RFPL4AL1: variants seen among roughly 807,000 people sequenced by gnomAD.
RFPL4AL1 encodes ret finger protein-like 4A-like protein 1.
Under a neutral mutation model 8.2 loss-of-function variants are expected in RFPL4AL1, and 2 were observed. That is an observed-to-expected ratio of 0.24 (90% CI 0.10 to 0.77). RFPL4AL1 has a LOEUF of 0.77. RFPL4AL1 is among the 30% of genes least tolerant of loss of function. The pLI, the probability that RFPL4AL1 is intolerant of heterozygous loss-of-function variation, is 0.72. For missense variants in RFPL4AL1, 57 were observed against 350.3 expected (o/e 0.16, Z 6.68); for synonymous variants, 25 against 131.8 (o/e 0.19, Z 5.55).
rs2122663500 is a variant in RFPL4AL1 at position 55,770,281 on chromosome 19, T to C, written c.-10+1106T>C. Reference sequence around the variant, plus strand: ...CATCGCGGTTTTATTGCTGGAGGGCTCAGGAGGCTCTCTGGATGCCAGAGA... The same window carrying C: ...CATCGCGGTTTTATTGCTGGAGGGCCCAGGAGGCTCTCTGGATGCCAGAGA... On this transcript the variant is annotated intron_variant, in intron 1 of 2. Transcript: ENST00000341750. Among the ~76,000 whole-genome samples, 3 of 152,078 alleles carry C rather than the reference T, an allele frequency of 2.0e-5. No individual in the cohort carries two copies. In the South Asian group the frequency reaches 6.2e-4, roughly 32 times the overall value.
At chr19:55,769,744 A>C (rs7258447) in intron 1 of RFPL4AL1, among the ~76,000 whole-genome samples, 42,974 of 150,362 alleles carry the variant, frequency 0.29, 5,406 homozygotes, top group South Asian at 0.51. Context: ...GCTGGAGTGC[A>C]GTGGCTATTT....
In RFPL4AL1 at chr19:55,771,086, G is replaced by GTT. The variant is rs74183507; in HGVS notation, c.-9-692_-9-691dup. ...TTGGTTTCTTTTAGTTCTGTTTTTT[G>GTT]TTTTTTTTTTTTTTTTTTTCCGCTA... On this transcript the variant is annotated intron_variant, in intron 1 of 2. Transcript: ENST00000341750. Among the ~76,000 whole-genome samples, 602 of 129,970 alleles carry GTT rather than the reference G, an allele frequency of 4.6e-3. 1 individual carries two copies. Among genetic ancestry groups the GTT allele is most frequent in the East Asian group, 0.021 (95 of 4,490 alleles). 85.3% of individuals were successfully genotyped at this position (129,970 alleles called of 152,430 possible).
intron 1 of RFPL4AL1, among the ~76,000 whole-genome samples, chr19:55,771,173 G>T (rs1989490371): frequency 3.5e-5 from 5 of 142,108 alleles, no homozygotes; most frequent in African/African-American, 5.1e-5. Flanking sequence ...TCCTTTTGGT[G>T]TGCTATCAGG....
At chr19:55,771,094 T>TTG (rs1555799542) in intron 1 of RFPL4AL1, among the ~76,000 whole-genome samples, 3 of 149,214 alleles carry the variant, frequency 2.0e-5, no homozygotes, top group Non-Finnish European at 4.5e-5. Flanking sequence ...TTGTTTTTTT[T>TTG]TTTTTTTTTT....
chr19:55,772,258 T>C (rs1472743096), intron 2 of RFPL4AL1, among the ~76,000 whole-genome samples, 168 bp downstream of exon 2: 1 of 132,188 alleles, frequency 7.6e-6, no homozygotes, highest in African/African-American at 2.6e-5. Flanking sequence ...TCATGGAATC[T>C]GTGCAAGTTT....
chr19:55,769,991 T>C (rs1439987934), intron 1 of RFPL4AL1, among the ~76,000 whole-genome samples: 5 of 152,022 alleles, frequency 3.3e-5, no homozygotes, highest in East Asian at 1.9e-4. Flanking sequence ...TTGTGAATAA[T>C]GCTGCAGAGA....
chr19:55,771,404 A>C (rs577554957), intron 1 of RFPL4AL1, among the ~76,000 whole-genome samples: 1 of 152,168 alleles, frequency 6.6e-6, no homozygotes, highest in Non-Finnish European at 1.5e-5. Context: ...GATAGTTTAC[A>C]TTCTCTTTTC....
At position 55,772,834 on chromosome 19, in the gene RFPL4AL1, C is replaced by A. The variant is rs1265274066; in HGVS notation, c.519C>A (p.Asn173Lys). 1 of 1,550,478 alleles carries A rather than the reference C, an allele frequency of 6.4e-7. No homozygotes were observed. The highest frequency in any genetic ancestry group is 1.4e-5 in the African/African-American group (1 of 72,576). ...WDVGVCKESV[N>K]RQGKIELSSE... ...TGGGCGTGTGCAAGGAATCTGTCAA[C>A]CGACAGGGGAAGATTGAGCTTTCTT... is the stretch of plus-strand genomic sequence containing the variant. Residue 173 changes from asparagine to lysine, a missense_variant, in exon 3 of 3, where the codon AAC becomes AAA. Physicochemically the swap from Asn to Lys is moderately conservative, Grantham distance 94 (BLOSUM62 0). Transcript: ENST00000341750.
intron 1 of RFPL4AL1, among the ~76,000 whole-genome samples, chr19:55,770,651 C>T (rs1465427718): frequency 1.6e-4 from 24 of 151,894 alleles, no homozygotes; most frequent in Non-Finnish European, 2.8e-4. Flanking sequence ...GTAATGACCA[C>T]GGTCATTACT....
Position 55,771,866 on chromosome 19 carries a change from C to A in RFPL4AL1, c.62C>A (p.Ala21Asp), listed in dbSNP as rs1407502331. The part of the protein sequence containing the change: ...CPVCLKDLEE[A>D]VQLKCGYACC... ...GTCTGTCTAAAAGATCTTGAAGAAG[C>A]CGTGCAACTGAAATGTGGATATGCC... Residue 21 changes from alanine to aspartate, a missense_variant, in exon 2 of 3, where the codon GCC becomes GAC. By Grantham distance (126) the Ala-to-Asp change is moderately radical (BLOSUM62 -2). Coordinates refer to ENST00000341750, the MANE Select transcript of RFPL4AL1 (RefSeq NM_001277397.2). 6.5e-7 allele frequency: 1 copy of A among 1,548,868 alleles called. No homozygotes were observed. Among genetic ancestry groups the A allele is most frequent in the Non-Finnish European group, 8.7e-7 (1 of 1,145,828 alleles).
chr19:55,770,529 T>C (rs1254292603), intron 1 of RFPL4AL1, among the ~76,000 whole-genome samples: 2 of 151,884 alleles, frequency 1.3e-5, no homozygotes, highest in African/African-American at 4.8e-5. Flanking sequence ...AATCATTAGG[T>C]TTTGTAGGAA....
At chr19:55,770,449 G>T (rs1378818979) in intron 1 of RFPL4AL1, among the ~76,000 whole-genome samples, 2 of 151,936 alleles carry the variant, frequency 1.3e-5, no homozygotes, top group Admixed American at 1.3e-4. Context: ...GCGTGATTCT[G>T]AAAGCTGGTG....
In RFPL4AL1 at chr19:55,772,814, G is replaced by C. The variant is rs578017434; in HGVS notation, c.499G>C (p.Val167Leu). 3 of 1,548,828 alleles carry C rather than the reference G, an allele frequency of 1.9e-6. No homozygotes were observed. Among genetic ancestry groups the C allele is most frequent in the Admixed American group, 2.0e-5 (1 of 50,782 alleles). The change falls in exon 3 of 3, where the codon GTG (valine) becomes CTG (leucine). Residue 167 changes from valine to leucine, a missense_variant. Transcript: ENST00000341750. The stretch of plus-strand genomic sequence containing the variant: ...CACCAGCCAAGTGTGGGATGTGGGC[G>C]TGTGCAAGGAATCTGTCAACCGACA... ...VGTSQVWDVGVCKESVNRQGK... is the reference protein window; with the variant it reads ...VGTSQVWDVGLCKESVNRQGK...
intron 1 of RFPL4AL1, among the ~76,000 whole-genome samples, chr19:55,770,330 A>C (rs1989467438): frequency 6.6e-6 from 1 of 151,956 alleles, no homozygotes; most frequent in South Asian, 2.1e-4. Flanking sequence ...GCCAGTTTCC[A>C]GGTTCTGGAT....
At chr19:55,771,042 C>CAT (rs1159155674) in intron 1 of RFPL4AL1, among the ~76,000 whole-genome samples, 1 of 149,134 alleles carries the variant, frequency 6.7e-6, no homozygotes, top group East Asian at 1.9e-4. Context: ...AATCCATTGT[C>CAT]ATATATATGG....
rs1405219388 is a variant in RFPL4AL1 at position 55,772,124 on chromosome 19, A to G, written c.286+34A>G. On this transcript the variant is annotated intron_variant, in intron 2 of 2. Transcript: ENST00000341750. Reference sequence around the variant, plus strand: ...TCTATAGGACCTGCCACAACCCATAAAAGGCACTGGGAAAACGACTTTCAA... The same window carrying G: ...TCTATAGGACCTGCCACAACCCATAGAAGGCACTGGGAAAACGACTTTCAA... 2.0e-6 allele frequency: 3 copies of G among 1,481,198 alleles called. No individual in the cohort carries two copies. The East Asian group carries it at 7.4e-5, about 36-fold the overall frequency. The allele number at this position is 1,481,198 out of a possible 1,614,324, so 91.8% of individuals were successfully genotyped here. A position where few individuals can be genotyped will look rare whatever the true frequency, so the allele number is the denominator to read the frequency against.
chr19:55,769,794 C>T (rs1296450551), intron 1 of RFPL4AL1, among the ~76,000 whole-genome samples: 1 of 151,648 alleles, frequency 6.6e-6, no homozygotes, highest in Non-Finnish European at 1.5e-5. Flanking sequence ...TTCCACATAA[C>T]TGAGATCATA....
At chr19:55,770,253 T>G (rs1192772437) in intron 1 of RFPL4AL1, among the ~76,000 whole-genome samples, 11 of 151,942 alleles carry the variant, frequency 7.2e-5, no homozygotes, top group Admixed American at 7.2e-4. Context: ...GGGGGTAATA[T>G]CTCATCGCGG....
chr19:55,773,267 C>T lies in RFPL4AL1; in HGVS notation c.*88C>T, dbSNP rs1447653664. 1.1e-5 allele frequency: 8 copies of T among 702,762 alleles called. No homozygotes were observed. The African/African-American group carries it at 1.5e-4, about 13-fold the overall frequency. The allele number at this position is 702,762 out of a possible 1,614,324, so 43.5% of individuals were successfully genotyped here. ...CTTTTCCGCTAGATACACATAGGTACAAAGGGACAGAAGGGAAAGAGCCAT... is the reference window on the plus strand; with the variant it reads ...CTTTTCCGCTAGATACACATAGGTATAAAGGGACAGAAGGGAAAGAGCCAT... On this transcript the variant is annotated 3_prime_UTR_variant, in exon 3 of 3. Coordinates refer to ENST00000341750, the MANE Select transcript of RFPL4AL1 (RefSeq NM_001277397.2).
Sources: gnomAD v4.1 joint callset for allele counts (sites outside exome capture counted in the v4.1 genomes callset) on GRCh38, gnomAD v4.1.1 for gene constraint, MANE v1.5 for transcripts, NCBI Gene and HGNC (gene_info 2026-07-23, HGNC 2026-07-21) for gene names.